DGKI: variants seen among roughly 807,000 people sequenced by gnomAD.
DGKI encodes the protein diacylglycerol kinase iota, also known as DAG kinase iota.
In DGKI, 55 loss-of-function variants were observed where a neutral mutation model predicts 147.5. The observed-to-expected ratio is 0.37, with a 90% CI of 0.30 to 0.47. The LOEUF (loss-of-function observed/expected upper bound fraction) is 0.47. Among genes scored for constraint, DGKI ranks in the 20% least tolerant of loss-of-function variants. The probability of loss-of-function intolerance (pLI) is 1.00; values close to 1 mark genes in which losing one functional copy is unlikely to be tolerated. For missense variants in DGKI, 1,007 were observed against 1,323.8 expected, an observed-to-expected ratio of 0.76 and a Z score of 3.71; for synonymous variants, 469 against 477.1, an observed-to-expected ratio of 0.98 and a Z score of 0.22.
chr7:137,788,406 T>C lies in DGKI; in HGVS notation c.401+58056A>G, dbSNP rs140604070. 2.8e-3 allele frequency among the ~76,000 whole-genome samples: 432 copies of C among 152,240 alleles called. 2 individuals carry two copies. Among genetic ancestry groups the C allele is most frequent in the South Asian group, 0.014 (68 of 4,828 alleles). ...CCTTCACTGTCTTCCACTTCTAAAC[T>C]GGAACACTCAATTGCTCCTCCTTCT... On this transcript the variant is annotated intron_variant, in intron 1 of 32. Coordinates refer to ENST00000614521, the MANE Select transcript of DGKI (RefSeq NM_001321708.2).
At chr7:137,673,023 C>T (rs1822907375) in intron 3 of DGKI, among the ~76,000 whole-genome samples, 1 of 152,038 alleles carries the variant, frequency 6.6e-6, no homozygotes, top group African/African-American at 2.4e-5. Flanking sequence ...CTCAGGTGAT[C>T]CACCTGCCTC....
intron 2 of DGKI, among the ~76,000 whole-genome samples, chr7:137,679,298 A>G (rs1233707059): frequency 6.6e-6 from 1 of 152,116 alleles, no homozygotes; most frequent in Non-Finnish European, 1.5e-5. Flanking sequence ...AAATATTCAT[A>G]TACTTTGGAT....
intron 4 of DGKI, 52 bp from the exon 5 acceptor site, chr7:137,654,840 A>C: frequency 8.5e-7 from 1 of 1,177,140 alleles, no homozygotes; most frequent in Non-Finnish European, 1.2e-6. Flanking sequence ...ATCAGACTAG[A>C]CTGAATTACC....
intron 28 of DGKI, among the ~76,000 whole-genome samples, chr7:137,416,571 A>T: frequency 6.6e-6 from 1 of 152,208 alleles, no homozygotes; most frequent in East Asian, 1.9e-4. Context: ...TAAGGCACTT[A>T]AATTTTATTC....
intron 19 of DGKI, among the ~76,000 whole-genome samples, chr7:137,555,931 T>C (rs1477361670): frequency 2.0e-5 from 3 of 151,486 alleles, no homozygotes; most frequent in Non-Finnish European, 4.4e-5. Context: ...AACAAAAAAT[T>C]TTATCCTAAA....
chr7:137,684,020 CA>C (rs1823331636), intron 2 of DGKI, among the ~76,000 whole-genome samples: 1 of 152,134 alleles, frequency 6.6e-6, no homozygotes, highest in African/African-American at 2.4e-5. Context: ...ATACTCCACA[CA>C]AAATGAAGAC....
rs1814642502 is a variant in DGKI at position 137,466,032 on chromosome 7, G to A, written c.2488C>T (p.His830Tyr). 6.2e-7 allele frequency: 1 copy of A among 1,613,626 alleles called. No individual in the cohort carries two copies. Among genetic ancestry groups the A allele is most frequent in the Non-Finnish European group, 8.5e-7 (1 of 1,179,672 alleles). The change falls in exon 26 of 33, where the codon CAT becomes TAT. Residue 830 changes from histidine (H) to tyrosine (Y), a missense_variant. Around this residue, in one of 5 missense-constraint regions of DGKI, gnomAD observed 385 missense variants for 445.2 expected, o/e 0.86. Transcript: ENST00000614521. ...GAAATCTCCATCACAAAGTGCAAAT[G>A]TTCCTAAAGAAGAACAAGAAGTCTG... ...RFYRIDRSQE[H>Y]LHFVMEISQD...
chr7:137,388,805 T>A lies in DGKI; in HGVS notation c.*2415A>T, dbSNP rs1284779641. 7.4e-6 allele frequency: 1 copy of A among 135,556 alleles called. No homozygotes were observed. The highest frequency in any genetic ancestry group is 1.6e-5 in the Non-Finnish European group (1 of 64,232). The allele number at this position is 135,556 out of a possible 1,614,324, so 8.4% of individuals were successfully genotyped here. The stretch of plus-strand genomic sequence containing the variant: ...ATGAATAACACAGGACTCTAATGCC[T>A]TTTTTTTTTTTGGTTTGAAAAAATT... On this transcript the variant is annotated 3_prime_UTR_variant, in exon 33 of 33. Coordinates refer to ENST00000614521, the MANE Select transcript of DGKI (RefSeq NM_001321708.2).
chr7:137,837,461 G>C (rs1170458516), intron 1 of DGKI, among the ~76,000 whole-genome samples: 1 of 152,184 alleles, frequency 6.6e-6, no homozygotes, highest in Non-Finnish European at 1.5e-5. Flanking sequence ...AATATTGTGA[G>C]AAAAAGCAGG....
In DGKI at chr7:137,381,430, A is replaced by T. The variant is rs1408951508; in HGVS notation, c.*9790T>A. On this transcript the variant is annotated 3_prime_UTR_variant, in exon 33 of 33. Coordinates refer to ENST00000614521, the MANE Select transcript of DGKI (RefSeq NM_001321708.2). ...TGCCAGCTGGCAGCTTTGCAAAAGC[A>T]TGGCTCTGGGATGTGATAGGGCAGA... 2 of 151,576 alleles carry T rather than the reference A, an allele frequency of 1.3e-5. No individual in the cohort carries two copies. The highest frequency in any genetic ancestry group is 3.9e-4 in the East Asian group (2 of 5,110). 9.4% of individuals were successfully genotyped at this position (151,576 alleles called of 1,614,324 possible).
Position 137,485,432 on chromosome 7 carries a change from GA to G in DGKI, c.2329-15del, listed in dbSNP as rs754869458. 918 of 1,511,768 alleles carry G rather than the reference GA, an allele frequency of 6.1e-4. No homozygotes were observed. The highest frequency in any genetic ancestry group is 1.6e-3 in the Admixed American group (84 of 52,038). 93.6% of individuals were successfully genotyped at this position (1,511,768 alleles called of 1,614,324 possible). ...TGACTGTAGGTCCTAATGAGAAAAT[GA>G]AAAAAAAAATCCATACCTTAAAATT... On this transcript the variant is annotated splice_polypyrimidine_tract_variant and intron_variant, in intron 22 of 32. Coordinates refer to ENST00000614521, the MANE Select transcript of DGKI (RefSeq NM_001321708.2).
At chr7:137,722,299 C>T (rs559031099) in intron 1 of DGKI, 20 of 1,612,326 alleles carry the variant, frequency 1.2e-5, no homozygotes, top group Admixed American at 1.7e-5. Context: ...CGGCAGTACC[C>T]GGGTGGTTAA....
intron 29 of DGKI, among the ~76,000 whole-genome samples, chr7:137,409,789 C>T (rs529138003): frequency 2.0e-5 from 3 of 152,262 alleles, no homozygotes; most frequent in Non-Finnish European, 4.4e-5. Context: ...CGGACACTTT[C>T]TGCAGCCCAG....
rs566588344 is a variant in DGKI at position 137,711,377 on chromosome 7, T to C, written c.402-21375A>G. Among the ~76,000 whole-genome samples the C allele has an allele frequency of 3.3e-5, 5 of 152,264 alleles. No homozygotes were observed. The South Asian group carries it at 6.2e-4, about 19-fold the overall frequency. ...GATGAAAGCAGAACAGATAAATACA[T>C]TGCAATATAGTCATACAATGAAATA... On this transcript the variant is annotated intron_variant, in intron 1 of 32. Transcript: ENST00000614521.
At chr7:137,835,141 T>C (rs1798332979) in intron 1 of DGKI, among the ~76,000 whole-genome samples, 1 of 152,204 alleles carries the variant, frequency 6.6e-6, no homozygotes, top group Non-Finnish European at 1.5e-5. Flanking sequence ...ACCATGTCAT[T>C]TCAATACCCT....
chr7:137,800,021 G>A (rs146243811), intron 1 of DGKI, among the ~76,000 whole-genome samples: 110 of 152,274 alleles, frequency 7.2e-4, no homozygotes, highest in Middle Eastern at 6.8e-3. Flanking sequence ...GCAAATACCA[G>A]GGGTGGCAGG....
intron 1 of DGKI, among the ~76,000 whole-genome samples, chr7:137,732,614 A>C (rs1020785715): frequency 6.6e-6 from 1 of 151,968 alleles, no homozygotes; most frequent in Non-Finnish European, 1.5e-5. Context: ...AACCCAAGCT[A>C]TTATAATGTT....
intron 1 of DGKI, among the ~76,000 whole-genome samples, chr7:137,707,077 G>T (rs775313483): frequency 6.6e-6 from 1 of 152,136 alleles, no homozygotes; most frequent in Non-Finnish European, 1.5e-5. Context: ...AGTCTCATTT[G>T]ATTTCCGCTG....
intron 26 of DGKI, among the ~76,000 whole-genome samples, chr7:137,465,409 A>G (rs1814615524): frequency 6.6e-6 from 1 of 152,224 alleles, no homozygotes; most frequent in African/African-American, 2.4e-5. Context: ...CAGATGAGAA[A>G]ATAAGCACAG....
Sources: allele counts gnomAD v4.1 joint callset (sites outside exome capture counted in the v4.1 genomes callset), GRCh38; gene constraint gnomAD v4.1.1; regional missense constraint gnomAD v4.1.1; transcripts MANE v1.5; gene names NCBI Gene and HGNC (gene_info 2026-07-23, HGNC 2026-07-21).